The following TIPIN variants were observed in gnomAD, a reference collection of about 807,000 sequenced individuals.
The protein encoded by TIPIN is TIMELESS interacting protein, also known as TIMELESS-interacting protein.
Under a neutral mutation model 35.6 loss-of-function variants are expected in TIPIN, and 29 were observed. The observed-to-expected ratio is 0.82, with a 90% CI of 0.61 to 1.11. The LOEUF (loss-of-function observed/expected upper bound fraction) is 1.11. Among genes scored for constraint, TIPIN ranks in the 50% most tolerant of loss-of-function variants. The probability of loss-of-function intolerance (pLI) is 0.00; values close to 1 mark genes in which losing one functional copy is unlikely to be tolerated. For missense variants in TIPIN, 296 were observed against 345.4 expected (o/e 0.86, Z 1.13); for synonymous variants, 102 against 121.5 (o/e 0.84, Z 1.06).
Position 66,340,170 on chromosome 15 carries a change from C to CTTTTTTTTTTTTTTTTTTTT in TIPIN, c.682+979_682+980insAAAAAAAAAAAAAAAAAAAA. ...TACAGGCGTGAGCCACTGCGCCTGG[C>CTTTTTTTTTTTTTTTTTTTT]CTTTTTTTTTTTTTTTTTTTTTTTG... On this transcript the variant is annotated intron_variant, in intron 7 of 7. Coordinates refer to ENST00000261881, the MANE Select transcript of TIPIN (RefSeq NM_017858.3). 1.8e-5 allele frequency among the ~76,000 whole-genome samples: 2 copies of CTTTTTTTTTTTTTTTTTTTT among 113,886 alleles called. 1 individual carries two copies. Among genetic ancestry groups the CTTTTTTTTTTTTTTTTTTTT allele is most frequent in the African/African-American group, 7.2e-5 (2 of 27,730 alleles). 74.7% of individuals were successfully genotyped at this position (113,886 alleles called of 152,430 possible).
intron 4 of TIPIN, among the ~76,000 whole-genome samples, chr15:66,350,807 C>A (rs561099538): frequency 2.1e-4 from 32 of 150,888 alleles, no homozygotes; most frequent in Non-Finnish European, 4.4e-4. Flanking sequence ...TGTTGGCGGG[C>A]GCCTGTAGTC....
chr15:66,371,407 A>G, intron 1 of TIPIN: 1 of 982,206 alleles, frequency 1.0e-6, no homozygotes, highest in African/African-American at 1.7e-5. Context: ...TTCAACCTAA[A>G]AAGCAAAAGA....
chr15:66,366,977 T>C, intron 1 of TIPIN: 1 of 716,286 alleles, frequency 1.4e-6, no homozygotes, highest in Non-Finnish European at 1.7e-6. Context: ...GGTCAGGAGT[T>C]TGAGACCAGC....
chr15:66,359,709 A>G (rs1402467590), upstream of TIPIN, among the ~76,000 whole-genome samples: 1 of 152,158 alleles, frequency 6.6e-6, no homozygotes, highest in African/African-American at 2.4e-5. Context: ...TGTTGAGACA[A>G]GAGGCATTCT....
chr15:66,347,281 G>A (rs775405059), intron 6 of TIPIN: 1 of 518,060 alleles, frequency 1.9e-6, no homozygotes, highest in Non-Finnish European at 3.9e-6. Context: ...GTTTTAATGT[G>A]TGTGACTGTC....
At chr15:66,340,171 C>CTTTTTT (rs1213707475) in intron 7 of TIPIN, among the ~76,000 whole-genome samples, 5 of 69,568 alleles carry the variant, frequency 7.2e-5, no homozygotes, top group Non-Finnish European at 8.0e-5. Flanking sequence ...TGCGCCTGGC[C>CTTTTTT]TTTTTTTTTT....
chr15:66,349,004 C>T (rs926142720), intron 6 of TIPIN, 56 bp downstream of exon 6: 1 of 1,415,156 alleles, frequency 7.1e-7, no homozygotes, highest in Admixed American at 1.8e-5. Context: ...CACACCCTGC[C>T]TAGATCTATT....
chr15:66,338,825 A>G (rs1467310069), intron 7 of TIPIN, among the ~76,000 whole-genome samples: 1 of 148,096 alleles, frequency 6.8e-6, no homozygotes, highest in Non-Finnish European at 1.5e-5. Flanking sequence ...AAAAAAAAAA[A>G]AAAAAAAAAA....
chr15:66,379,769 T>A lies in TIPIN; in HGVS notation c.-9+6838A>T, dbSNP rs1293298579. The A allele has an allele frequency of 3.1e-6, 5 of 1,604,314 alleles. No individual in the cohort carries two copies. The Admixed American group carries it at 6.7e-5, about 21-fold the overall frequency. Reference sequence around the variant, plus strand: ...CAACCAGAGCCTCTTTTTTTTTCTTTCCAAGAAGACTGAGTTCTACATTGA... The same window carrying A: ...CAACCAGAGCCTCTTTTTTTTTCTTACCAAGAAGACTGAGTTCTACATTGA... On this transcript the variant is annotated intron_variant, in intron 1 of 7. Coordinates refer to the TIPIN transcript ENST00000562124.
At chr15:66,340,664 T>G (rs2093080165) in intron 7 of TIPIN, among the ~76,000 whole-genome samples, 1 of 152,104 alleles carries the variant, frequency 6.6e-6, no homozygotes, top group Non-Finnish European at 1.5e-5. Context: ...TGGCACGATC[T>G]TGGCTCACTG....
Position 66,341,314 on chromosome 15 carries a change from T to G in TIPIN, c.518A>C (p.Glu173Ala). The G allele has an allele frequency of 1.9e-6, 3 of 1,613,814 alleles. No homozygotes were observed. The highest frequency in any genetic ancestry group is 2.5e-6 in the Non-Finnish European group (3 of 1,180,002). Residue 173 changes from glutamate to alanine, a missense_variant, in exon 7 of 8, where the codon GAA becomes GCA. Glu to Ala is a moderately radical substitution (Grantham distance 107, BLOSUM62 -1). Coordinates refer to ENST00000261881, the MANE Select transcript of TIPIN (RefSeq NM_017858.3). Reference sequence around the variant, plus strand: ...TAAGTTTGTCAGAAAGGGATCTAATTCAGTAGAAGTGACATCATGTTCATT... The same window carrying G: ...TAAGTTTGTCAGAAAGGGATCTAATGCAGTAGAAGTGACATCATGTTCATT... ...ENNEHDVTST[E>A]LDPFLTNLSE... is the part of the protein sequence containing the mutation.
intron 1 of TIPIN, among the ~76,000 whole-genome samples, chr15:66,381,462 A>C (rs1257456973): frequency 2.0e-5 from 3 of 152,002 alleles, no homozygotes; most frequent in African/African-American, 7.2e-5. Context: ...AAAAGAATAG[A>C]GATCCTAGGT....
intron 1 of TIPIN, among the ~76,000 whole-genome samples, chr15:66,372,315 GA>G (rs1364091615): frequency 1.3e-5 from 2 of 152,004 alleles, no homozygotes; most frequent in East Asian, 1.9e-4. Context: ...TTATATGAAA[GA>G]AAAAAATAAT....
chr15:66,352,272 CA>C, intron 2 of TIPIN, 65 bp from the exon 3 acceptor site: 1 of 1,254,382 alleles, frequency 8.0e-7, no homozygotes. Flanking sequence ...TATTATGTAT[CA>C]TTTCCAAGCT....
chr15:66,369,787 C>T (rs1286643176), intron 1 of TIPIN, among the ~76,000 whole-genome samples: 16 of 152,138 alleles, frequency 1.1e-4, no homozygotes, highest in Admixed American at 1.0e-3. Context: ...ATAAAAACAC[C>T]GATAAACTTT....
intron 1 of TIPIN, among the ~76,000 whole-genome samples, chr15:66,377,699 C>T (rs540353023): frequency 6.0e-5 from 9 of 150,292 alleles, no homozygotes; most frequent in African/African-American, 2.4e-5. Flanking sequence ...CTTGGAGTCT[C>T]GCTCTGTTGC....
chr15:66,365,350 A>C (rs990817752), intron 1 of TIPIN, among the ~76,000 whole-genome samples: 3 of 152,212 alleles, frequency 2.0e-5, no homozygotes, highest in Non-Finnish European at 4.4e-5. Flanking sequence ...CACCAGTGCC[A>C]GGACAGTTTA....
At chr15:66,368,540 C>A (rs2140487429) in intron 1 of TIPIN, among the ~76,000 whole-genome samples, 1 of 151,934 alleles carries the variant, frequency 6.6e-6, no homozygotes, top group East Asian at 1.9e-4. Flanking sequence ...AATAAATAAA[C>A]AAAATAAAAA....
At chr15:66,376,741 A>C (rs369578698) in intron 1 of TIPIN, among the ~76,000 whole-genome samples, 1 of 151,596 alleles carries the variant, frequency 6.6e-6, no homozygotes, top group Non-Finnish European at 1.5e-5. Flanking sequence ...AGGTCTGATA[A>C]TTTCTAAGGA....
Sources: gnomAD v4.1 joint callset for allele counts (sites outside exome capture counted in the v4.1 genomes callset) on GRCh38, gnomAD v4.1.1 for gene constraint, MANE v1.5 for transcripts, NCBI Gene and HGNC (gene_info 2026-07-23, HGNC 2026-07-21) for gene names.